The following TFDP2 variants were observed in gnomAD, a reference collection of about 807,000 sequenced individuals.
TFDP2 encodes transcription factor Dp-2 (E2F dimerization partner 2).
Under a neutral mutation model 59.3 loss-of-function variants are expected in TFDP2, and 17 were observed. The observed-to-expected ratio is 0.29, with a 90% confidence interval of 0.20 to 0.43. The LOEUF is 0.43. Ranked by LOEUF, TFDP2 falls within the 20% of genes least tolerant of loss-of-function variation. TFDP2 has a pLI of 1.00. For missense variants in TFDP2, 391 were observed against 528.8 expected (o/e 0.74, Z 2.56); for synonymous variants, 180 against 194.7 (o/e 0.92, Z 0.63).
intron 11 of TFDP2, among the ~76,000 whole-genome samples, chr3:141,957,832 G>T (rs1936887815): frequency 6.6e-6 from 1 of 152,210 alleles, no homozygotes; most frequent in African/African-American, 2.4e-5. Context: ...GGGGAATAGA[G>T]ACTGTTAATG....
chr3:142,042,719 C>A (rs1576813991), intron 3 of TFDP2, among the ~76,000 whole-genome samples: 1 of 104,652 alleles, frequency 9.6e-6, no homozygotes, highest in Non-Finnish European at 2.0e-5. Context: ...AGTCTCTTTT[C>A]TACCTCTTGC....
chr3:141,968,423 C>CATATATAACATATATATAACATATATA (rs1243209182), intron 9 of TFDP2, among the ~76,000 whole-genome samples: 1 of 87,936 alleles, frequency 1.1e-5, no homozygotes, highest in Admixed American at 1.4e-4. Context: ...ACATATATAT[C>CATATATAACATATATATAACATATATA]TCATATATAG....
At chr3:142,054,922 A>G (rs771752784) in intron 3 of TFDP2, among the ~76,000 whole-genome samples, 1 of 152,196 alleles carries the variant, frequency 6.6e-6, no homozygotes, top group Non-Finnish European at 1.5e-5. Flanking sequence ...ACCTCCAGAG[A>G]CGTGAAGGGC....
At chr3:142,115,607 C>T (rs547899645) in intron 1 of TFDP2, among the ~76,000 whole-genome samples, 4 of 152,292 alleles carry the variant, frequency 2.6e-5, no homozygotes, top group Admixed American at 6.5e-5. Flanking sequence ...CGTGAGCCAC[C>T]GCGCCCGGCC....
chr3:142,018,463 TA>T, intron 3 of TFDP2, among the ~76,000 whole-genome samples: 2 of 152,192 alleles, frequency 1.3e-5, no homozygotes, highest in South Asian at 4.2e-4. Flanking sequence ...TACTGTTTTT[TA>T]TTTTTTTATT....
intron 3 of TFDP2, among the ~76,000 whole-genome samples, chr3:142,020,476 G>C (rs530093835): frequency 6.6e-6 from 1 of 151,108 alleles, no homozygotes; most frequent in African/African-American, 2.4e-5. Context: ...TGGAGGTTGC[G>C]GTGAGCCGAG....
intron 3 of TFDP2, chr3:142,028,731 C>T: frequency 1.0e-6 from 1 of 985,104 alleles, no homozygotes; most frequent in Non-Finnish European, 1.2e-6. Flanking sequence ...TAAAAAGATG[C>T]TCAAGAAAAC....
intron 1 of TFDP2, among the ~76,000 whole-genome samples, chr3:142,128,129 C>T (rs1272084902): frequency 6.6e-6 from 1 of 152,048 alleles, no homozygotes; most frequent in Non-Finnish European, 1.5e-5. Context: ...TGCTTAAGCC[C>T]CGGAACTTGA....
Position 141,995,013 on chromosome 3 carries a change from C to T in TFDP2, c.308+7G>A. On this transcript the variant is annotated splice_region_variant and intron_variant, in intron 5 of 12. Coordinates refer to ENST00000489671, the MANE Select transcript of TFDP2 (RefSeq NM_001178139.2). Reference sequence around the variant, plus strand: ...GTTTTAAAAATAGTAACTTGCAACACTCTTACCCAGGGACCCAGCCAGTAG... The same window carrying T: ...GTTTTAAAAATAGTAACTTGCAACATTCTTACCCAGGGACCCAGCCAGTAG... The T allele has an allele frequency of 1.3e-6, 2 of 1,572,290 alleles. No individual in the cohort carries two copies. Among genetic ancestry groups the T allele is most frequent in the South Asian group, 2.5e-5 (2 of 81,234 alleles).
At chr3:141,996,996 T>C (rs1943333119) in intron 4 of TFDP2, among the ~76,000 whole-genome samples, 1 of 152,160 alleles carries the variant, frequency 6.6e-6, no homozygotes, top group Admixed American at 6.5e-5. Flanking sequence ...AAACAGACAA[T>C]GTGTCTGTAC....
At chr3:142,142,812 A>C (rs1035844554) in intron 1 of TFDP2, among the ~76,000 whole-genome samples, 3 of 152,240 alleles carry the variant, frequency 2.0e-5, no homozygotes, top group African/African-American at 7.2e-5. Context: ...CCTACAGTTA[A>C]CTCATTTTCC....
chr3:142,078,492 G>A (rs1388404210), intron 3 of TFDP2, among the ~76,000 whole-genome samples: 2 of 152,238 alleles, frequency 1.3e-5, no homozygotes, highest in African/African-American at 4.8e-5. Context: ...TTTCTGCCTG[G>A]TAAACCAGAA....
At chr3:141,979,182 C>T (rs1240431595) in intron 6 of TFDP2, among the ~76,000 whole-genome samples, 2 of 152,114 alleles carry the variant, frequency 1.3e-5, no homozygotes, top group Non-Finnish European at 2.9e-5. Flanking sequence ...ATGTAACCAT[C>T]GTAATGGTTA....
At chr3:142,092,542 C>T (rs1031454902) in intron 3 of TFDP2, among the ~76,000 whole-genome samples, 1 of 152,074 alleles carries the variant, frequency 6.6e-6, no homozygotes, top group African/African-American at 2.4e-5. Context: ...TGGTCTCAAA[C>T]TCCTGGGCTC....
chr3:141,983,740 T>C (rs1941748265), intron 6 of TFDP2, among the ~76,000 whole-genome samples: 1 of 150,990 alleles, frequency 6.6e-6, no homozygotes, highest in Non-Finnish European at 1.5e-5. Context: ...GAAATATAAA[T>C]CAAAACCATA....
At position 141,952,713 on chromosome 3, in the gene TFDP2, AAC is replaced by A. The variant is rs748196411; in HGVS notation, c.1158-19_1158-18del. The A allele has an allele frequency of 1.1e-5, 17 of 1,607,528 alleles. No individual in the cohort carries two copies. In the Middle Eastern group the frequency reaches 5.0e-4, roughly 47 times the overall value. ...TGGTTTACACTAGCAAACAATTAAA[AAC>A]ACACAGGCTCATTAATGTGGTATAA... On this transcript the variant is annotated intron_variant, in intron 12 of 12. Coordinates refer to ENST00000489671, the MANE Select transcript of TFDP2 (RefSeq NM_001178139.2).
rs139908676 is a variant in TFDP2, at chr3:142,131,713, A to C, written c.-93+17470T>G. 3.9e-4 allele frequency among the ~76,000 whole-genome samples: 58 copies of C among 150,418 alleles called. No homozygotes were observed. The East Asian group carries it at 0.011, about 29-fold the overall frequency. On this transcript the variant is annotated intron_variant, in intron 1 of 12. Transcript: ENST00000489671. ...GTAACGCCTATCAGAAAGAATTAAA[A>C]ACACATGTCTGGCCGGGCACGATGT...
intron 10 of TFDP2, among the ~76,000 whole-genome samples, chr3:141,962,560 T>C (rs1937500194): frequency 6.6e-6 from 1 of 152,164 alleles, no homozygotes; most frequent in South Asian, 2.1e-4. Flanking sequence ...GGTTTCACTA[T>C]GTTGGCCAGG....
At chr3:142,131,961 GCT>G (rs1332693839) in intron 1 of TFDP2, among the ~76,000 whole-genome samples, 20 of 139,878 alleles carry the variant, frequency 1.4e-4, no homozygotes, top group African/African-American at 3.8e-4. Flanking sequence ...AGCCAAAATC[GCT>G]TCATTGCACT....
Sources: gnomAD v4.1 joint callset for allele counts (sites outside exome capture counted in the v4.1 genomes callset) on GRCh38, gnomAD v4.1.1 for gene constraint, MANE v1.5 for transcripts, NCBI Gene and HGNC (gene_info 2026-07-23, HGNC 2026-07-21) for gene names.